Variants in DCHS2 observed in about 807,000 individuals in gnomAD.
DCHS2 encodes the protein protocadherin-23.
DCHS2 carries 142 observed loss-of-function variants against 182.4 expected under a neutral mutation model. The observed-to-expected ratio is 0.78, with a 90% CI of 0.68 to 0.89. The LOEUF is 0.89. DCHS2 is among the 40% of genes least tolerant of loss of function. The pLI, the probability that DCHS2 is intolerant of heterozygous loss-of-function variation, is 0.00. For synonymous variants in DCHS2, 1,740 were observed against 1,663.3 expected, an observed-to-expected ratio of 1.05 and a Z score of -1.12; for missense variants, 4,319 against 4,198.6, an observed-to-expected ratio of 1.03 and a Z score of -0.79.
chr4:154,366,410 A>T lies in DCHS2; in HGVS notation c.2276T>A (p.Val759Glu), dbSNP rs376306270. 1.9e-6 allele frequency: 3 copies of T among 1,613,692 alleles called. No homozygotes were observed. Among genetic ancestry groups the T allele is most frequent in the Non-Finnish European group, 1.7e-6 (2 of 1,179,890 alleles). ...GGLSAQAFVR[V>E]DLEDVNDNHP... ...ATTATCATTCACGTCCTCCAGGTCC[A>T]CACGAACAAAGGCTTGGGCACTTAG... Residue 759 changes from valine to glutamate, a missense_variant, in exon 3 of 20, where the codon GTG becomes GAG. By Grantham distance (121) the Val-to-Glu change is moderately radical. Coordinates refer to ENST00000357232, the MANE Select transcript of DCHS2 (RefSeq NM_001358235.2).
At chr4:154,375,083 T>C (rs1730826470) in intron 2 of DCHS2, among the ~76,000 whole-genome samples, 1 of 151,896 alleles carries the variant, frequency 6.6e-6, no homozygotes, top group Non-Finnish European at 1.5e-5. Context: ...AGCACTAAGG[T>C]GGATAAATAG....
chr4:154,239,388 A>G (rs1731692598), intron 18 of DCHS2, 86 bp from the exon 19 acceptor site: 2 of 1,559,882 alleles, frequency 1.3e-6, no homozygotes, highest in South Asian at 1.2e-5. Flanking sequence ...AGGTCATTTT[A>G]TTCATTTTGA....
rs1391698671 is a variant in DCHS2 at position 154,305,146 on chromosome 4, C to A, written c.5346G>T (p.Val1782=). ...FEINSDTGEV[V]TTTILDREIQ... is the part of the protein sequence containing the mutation. Reference sequence around the variant, plus strand: ...TTTCTCTGTCAAGTATGGTGGTTGTCACTACCTCTCCAGTGTCAGAATTTA... The same window carrying A: ...TTTCTCTGTCAAGTATGGTGGTTGTAACTACCTCTCCAGTGTCAGAATTTA... The change falls in exon 11 of 20, where the codon GTG becomes GTT. Residue 1782 remains valine (V), a synonymous_variant. Coordinates refer to ENST00000357232, the MANE Select transcript of DCHS2 (RefSeq NM_001358235.2). 6.2e-7 allele frequency: 1 copy of A among 1,612,790 alleles called. No homozygotes were observed. The highest frequency in any genetic ancestry group is 1.3e-5 in the African/African-American group (1 of 75,006).
chr4:154,488,229 T>C (rs1160184314), intron 1 of DCHS2, among the ~76,000 whole-genome samples: 1 of 147,190 alleles, frequency 6.8e-6, no homozygotes, highest in Non-Finnish European at 1.5e-5. Flanking sequence ...AAAAAAGGAA[T>C]GGCCTGGAAG....
intron 1 of DCHS2, chr4:154,486,347 G>A (rs758429631): frequency 9.6e-5 from 120 of 1,251,574 alleles, no homozygotes; most frequent in Non-Finnish European, 1.1e-4. Flanking sequence ...AGAGTGGTAG[G>A]ACCCCAAACA....
rs1736013249 is a variant in DCHS2 at position 154,320,480 on chromosome 4, T to C, written c.4919A>G (p.His1640Arg). The change falls in exon 9 of 20, where the codon CAC becomes CGC. Residue 1640 changes from histidine to arginine, a missense_variant. Transcript: ENST00000357232. ...EDVTVGSLVHHITAHDPDEGR... is the reference protein window; with the variant it reads ...EDVTVGSLVHRITAHDPDEGR... Reference sequence around the variant, plus strand: ...TTCGTCTGGATCGTGAGCAGTTATGTGGTGGACCAAGGAGCCCACTGTGAC... The same window carrying C: ...TTCGTCTGGATCGTGAGCAGTTATGCGGTGGACCAAGGAGCCCACTGTGAC... 1.9e-6 allele frequency: 3 copies of C among 1,614,164 alleles called. No homozygotes were observed. Among genetic ancestry groups the C allele is most frequent in the East Asian group, 2.2e-5 (1 of 44,886 alleles).
In DCHS2 at chr4:154,418,428, A is replaced by G. The variant is rs146418766; in HGVS notation, c.2053-40984T>C. Among the ~76,000 whole-genome samples, 279 of 152,332 alleles carry G rather than the reference A, an allele frequency of 1.8e-3. 2 individuals carry two copies. Among genetic ancestry groups the G allele is most frequent in the Middle Eastern group, 0.014 (4 of 294 alleles). ...AGCTGAGAGTGCCTTTAATCCACTC[A>G]CTAAGACTCCCTTTTCCTCTTCCAC... is the stretch of plus-strand genomic sequence containing the variant. On this transcript the variant is annotated intron_variant, in intron 1 of 19. Coordinates refer to ENST00000357232, the MANE Select transcript of DCHS2 (RefSeq NM_001358235.2).
At chr4:154,381,897 C>T (rs1182305593) in intron 1 of DCHS2, among the ~76,000 whole-genome samples, 1 of 152,122 alleles carries the variant, frequency 6.6e-6, no homozygotes, top group Non-Finnish European at 1.5e-5. Flanking sequence ...TCCTATCAAA[C>T]TACCAATGTA....
At chr4:154,370,695 G>A (rs955861285) in intron 2 of DCHS2, among the ~76,000 whole-genome samples, 1 of 152,190 alleles carries the variant, frequency 6.6e-6, no homozygotes, top group Non-Finnish European at 1.5e-5. Flanking sequence ...TGATACGCAG[G>A]TAGGTTAGTG....
rs1455027089 is a variant in DCHS2 at position 154,491,404 on chromosome 4, G to T, written c.-49C>A. 15 of 1,449,320 alleles carry T rather than the reference G, an allele frequency of 1.0e-5. No homozygotes were observed. The highest frequency in any genetic ancestry group is 1.4e-5 in the Non-Finnish European group (15 of 1,101,172). 89.8% of individuals were successfully genotyped at this position (1,449,320 alleles called of 1,614,324 possible). Reference sequence around the variant, plus strand: ...GCTCTCGGGTAACTGCCAGCTTGTGGCAGGATCGCAGAAAAATCCAGGAGC... The same window carrying T: ...GCTCTCGGGTAACTGCCAGCTTGTGTCAGGATCGCAGAAAAATCCAGGAGC... On this transcript the variant is annotated 5_prime_UTR_variant, in exon 1 of 20. Transcript: ENST00000357232.
At chr4:154,379,363 G>GC (rs1415244602) in intron 1 of DCHS2, among the ~76,000 whole-genome samples, 3 of 152,166 alleles carry the variant, frequency 2.0e-5, no homozygotes, top group Non-Finnish European at 2.9e-5. Context: ...CAGCTTAGCT[G>GC]CAAGGGAGGC....
intron 1 of DCHS2, among the ~76,000 whole-genome samples, chr4:154,385,845 T>C (rs1731389248): frequency 1.3e-5 from 2 of 152,010 alleles, no homozygotes; most frequent in African/African-American, 4.8e-5. Flanking sequence ...ACTGCAGCCC[T>C]AGGAAATTAA....
chr4:154,275,048 T>A (rs1302891481), intron 13 of DCHS2, among the ~76,000 whole-genome samples: 1 of 151,682 alleles, frequency 6.6e-6, no homozygotes, highest in East Asian at 1.9e-4. Context: ...ATTGTTATTT[T>A]TTTTTTCTGG....
intron 1 of DCHS2, among the ~76,000 whole-genome samples, chr4:154,431,722 C>T (rs990169554): frequency 5.9e-5 from 9 of 152,178 alleles, no homozygotes; most frequent in African/African-American, 2.4e-5. Context: ...TCAAAGCCCA[C>T]AGATGGCCTG....
chr4:154,240,480 T>G, intron 18 of DCHS2, 57 bp downstream of exon 18: 3 of 1,575,490 alleles, frequency 1.9e-6, no homozygotes, highest in Non-Finnish European at 2.6e-6. Context: ...AGACTTACAT[T>G]ATTCTCTATT....
chr4:154,417,190 TGTGTGTGTGTGTGTGAGA>T (rs1732874226), intron 1 of DCHS2, among the ~76,000 whole-genome samples: 6 of 109,456 alleles, frequency 5.5e-5, no homozygotes, highest in Admixed American at 1.9e-4. Context: ...TGTGTGTGTG[TGTGTGTGTGTGTGTGAGA>T]GAGAGAGAGA....
intron 1 of DCHS2, among the ~76,000 whole-genome samples, chr4:154,400,539 A>G (rs560392673): frequency 6.6e-6 from 1 of 152,310 alleles, no homozygotes; most frequent in African/African-American, 2.4e-5. Flanking sequence ...CAGAGTCCTC[A>G]TACAACTAGC....
intron 1 of DCHS2, among the ~76,000 whole-genome samples, chr4:154,412,246 C>T (rs1025434300): frequency 5.3e-5 from 8 of 152,158 alleles, no homozygotes; most frequent in Admixed American, 5.2e-4. Flanking sequence ...CTCTGCATGT[C>T]TCTAAAGAAG....
chr4:154,337,163 A>G (rs898413300), intron 3 of DCHS2, among the ~76,000 whole-genome samples: 1 of 152,180 alleles, frequency 6.6e-6, no homozygotes, highest in African/African-American at 2.4e-5. Context: ...TTGCTTTAGT[A>G]TTAAAGTCTC....
Sources: allele counts gnomAD v4.1 joint callset (sites outside exome capture counted in the v4.1 genomes callset), GRCh38; gene constraint gnomAD v4.1.1; transcripts MANE v1.5; gene names NCBI Gene and HGNC (gene_info 2026-07-23, HGNC 2026-07-21).